Variants in NAV1 observed in about 807,000 individuals in gnomAD.
NAV1 encodes neuron navigator 1, also known as pore membrane and/or filament interacting like protein 3.
In NAV1, 18 loss-of-function variants were observed where a neutral mutation model predicts 175.2. The observed-to-expected ratio is 0.10, with a 90% CI of 0.07 to 0.15. The LOEUF (loss-of-function observed/expected upper bound fraction) is 0.15. Among genes scored for constraint, NAV1 ranks in the 10% least tolerant of loss-of-function variants. The pLI, the probability that NAV1 is intolerant of heterozygous loss-of-function variation, is 1.00. For synonymous variants in NAV1, 897 were observed against 978.7 expected (o/e 0.92, Z 1.56); for missense variants, 1,731 against 2,436.6 (o/e 0.71, Z 6.10).
intron 2 of NAV1, among the ~76,000 whole-genome samples, chr1:201,603,687 G>A (rs1251890717): frequency 6.6e-6 from 1 of 152,158 alleles, no homozygotes; most frequent in Non-Finnish European, 1.5e-5. Context: ...AGGGAGTTGG[G>A]ATGGGAGTAT....
chr1:201,757,881 T>G (rs1194849721), intron 3 of NAV1, among the ~76,000 whole-genome samples: 1 of 152,218 alleles, frequency 6.6e-6, no homozygotes, highest in Non-Finnish European at 1.5e-5. Context: ...TGAGACATCA[T>G]GAGGATGATG....
rs868730691 is a variant in NAV1 at position 201,549,880 on chromosome 1, G to A, written c.-144+10538G>A. Among the ~76,000 whole-genome samples, 28 of 151,102 alleles carry A rather than the reference G, an allele frequency of 1.9e-4. No homozygotes were observed. In the East Asian group the frequency reaches 5.0e-3, roughly 27 times the overall value. ...AAAAAAATTAGCCGGGTGTGGTGGT[G>A]GGCACCTGTGGTCCCAGCTACTTGG... is the stretch of plus-strand genomic sequence containing the variant. On this transcript the variant is annotated intron_variant, in intron 1 of 33. Transcript: ENST00000685211.
intron 15 of NAV1, among the ~76,000 whole-genome samples, chr1:201,800,610 GAT>G (rs1677792908): frequency 6.6e-6 from 1 of 152,030 alleles, no homozygotes; most frequent in Non-Finnish European, 1.5e-5. Flanking sequence ...CTACCACTGA[GAT>G]AAACTATATA....
chr1:201,789,803 TA>T lies in NAV1; in HGVS notation c.3219+13del. 6.2e-7 allele frequency: 1 copy of T among 1,612,748 alleles called. No homozygotes were observed. The highest frequency in any genetic ancestry group is 8.5e-7 in the Non-Finnish European group (1 of 1,178,754). On this transcript the variant is annotated intron_variant, in intron 11 of 29. Coordinates refer to ENST00000367296, the Ensembl canonical transcript of NAV1. The stretch of plus-strand genomic sequence containing the variant: ...TCCACCTACTCCTCAGTAAGAGCAT[TA>T]ACTTCTCTTCCCCTCTCATCCCCTC...
intron 1 of NAV1, among the ~76,000 whole-genome samples, chr1:201,672,357 T>TA (rs1440691880): frequency 6.6e-6 from 1 of 152,240 alleles, no homozygotes; most frequent in Non-Finnish European, 1.5e-5. Context: ...ACAAATGAGT[T>TA]ACAGCCTGCA....
chr1:201,698,887 T>C (rs979075282), intron 1 of NAV1, among the ~76,000 whole-genome samples: 8 of 152,212 alleles, frequency 5.3e-5, no homozygotes, highest in Non-Finnish European at 1.2e-4. Flanking sequence ...CTCAAATATA[T>C]ATCATCTGGC....
intron 1 of NAV1, among the ~76,000 whole-genome samples, chr1:201,688,669 G>A (rs1390779094): frequency 1.3e-5 from 2 of 152,066 alleles, no homozygotes; most frequent in Non-Finnish European, 2.9e-5. Context: ...AATTATTCAG[G>A]GATTCTGAGA....
At chr1:201,800,817 C>CTTTTTTT (rs61404613) in intron 15 of NAV1, among the ~76,000 whole-genome samples, 13 of 90,788 alleles carry the variant, frequency 1.4e-4, no homozygotes, top group South Asian at 3.7e-4. Context: ...CTTGGTGTAT[C>CTTTTTTT]TTTTTTTTTT....
chr1:201,640,433 G>A (rs945430715), intron 2 of NAV1, among the ~76,000 whole-genome samples: 3 of 152,208 alleles, frequency 2.0e-5, no homozygotes, highest in African/African-American at 7.2e-5. Context: ...GCAAGTGGGA[G>A]TGGGGGATGG....
At chr1:201,715,360 A>C (rs1034099496) in intron 2 of NAV1, among the ~76,000 whole-genome samples, 8 of 152,042 alleles carry the variant, frequency 5.3e-5, no homozygotes, top group South Asian at 4.2e-4. Flanking sequence ...GGGTTTCACC[A>C]TGTTGGCCAG....
At chr1:201,645,761 T>C (rs1383684745), upstream of NAV1, among the ~76,000 whole-genome samples, 2 of 152,134 alleles carry the variant, frequency 1.3e-5, no homozygotes, top group Admixed American at 6.5e-5. Flanking sequence ...AAGGAGAAGA[T>C]GAATTTACAT....
chr1:201,674,895 C>G (rs1355650135), intron 1 of NAV1, among the ~76,000 whole-genome samples: 1 of 152,010 alleles, frequency 6.6e-6, no homozygotes, highest in Non-Finnish European at 1.5e-5. Flanking sequence ...ACACACATAG[C>G]TGGGTGTGGT....
rs561816613 is a variant in NAV1, at chr1:201,736,702, G to A, written c.1226+17947G>A. ...TGCCTCAGTTTCCCCCTTGTAAAGA[G>A]CTGCTGTGAGAGTGCTGGCACGGGA... is the stretch of plus-strand genomic sequence containing the variant. On this transcript the variant is annotated intron_variant, in intron 3 of 29. Transcript: ENST00000367296. Among the ~76,000 whole-genome samples the A allele has an allele frequency of 8.5e-5, 13 of 152,288 alleles. No homozygotes were observed. In the East Asian group the frequency reaches 1.9e-3, roughly 23 times the overall value.
At chr1:201,544,167 AG>A (rs1164891297) in intron 1 of NAV1, among the ~76,000 whole-genome samples, 2 of 152,190 alleles carry the variant, frequency 1.3e-5, no homozygotes, top group Non-Finnish European at 2.9e-5. Context: ...GCCCATCCCC[AG>A]AGATTCAGCT....
intron 3 of NAV1, among the ~76,000 whole-genome samples, chr1:201,769,747 TATAAG>T (rs2102666312): frequency 6.6e-6 from 1 of 151,844 alleles, no homozygotes; most frequent in African/African-American, 2.4e-5. Context: ...TAAAAATAAT[TATAAG>T]AGAAGAAAAA....
chr1:201,744,071 A>C (rs2102567959), intron 3 of NAV1, among the ~76,000 whole-genome samples: 1 of 152,184 alleles, frequency 6.6e-6, no homozygotes, highest in Non-Finnish European at 1.5e-5. Flanking sequence ...TTTAGTAGAG[A>C]TGGGGTATCT....
At chr1:201,736,793 C>T (rs1673130410) in intron 3 of NAV1, among the ~76,000 whole-genome samples, 1 of 152,120 alleles carries the variant, frequency 6.6e-6, no homozygotes, top group Non-Finnish European at 1.5e-5. Flanking sequence ...CAGAGGAAGC[C>T]TATGTGAGAT....
At chr1:201,699,205 C>G (rs371957895) in intron 1 of NAV1, among the ~76,000 whole-genome samples, 1 of 152,212 alleles carries the variant, frequency 6.6e-6, no homozygotes, top group South Asian at 2.1e-4. Context: ...CATCTCAGCC[C>G]AAAATCTCCT....
Position 201,694,602 on chromosome 1 carries a change from C to T in NAV1, c.758-18215C>T, listed in dbSNP as rs1309981727. On this transcript the variant is annotated intron_variant, in intron 1 of 29. Transcript: ENST00000367296. The surrounding 1 kb of genome is among the most constrained non-coding windows in gnomAD (Gnocchi z 4.2). Reference sequence around the variant, plus strand: ...GCTGGCCCCAGTGGGTGATCAGCAACATGTCCCTAAGAATAGGTACATGCT... The same window carrying T: ...GCTGGCCCCAGTGGGTGATCAGCAATATGTCCCTAAGAATAGGTACATGCT... Among the ~76,000 whole-genome samples the T allele has an allele frequency of 6.6e-6, 1 of 152,124 alleles. No individual in the cohort carries two copies. Among genetic ancestry groups the T allele is most frequent in the Non-Finnish European group, 1.5e-5 (1 of 68,028 alleles).
Sources: allele counts gnomAD v4.1 joint callset (sites outside exome capture counted in the v4.1 genomes callset), GRCh38; gene constraint gnomAD v4.1.1; non-coding constraint Gnocchi (gnomAD v3.1); transcripts MANE v1.5; gene names NCBI Gene and HGNC (gene_info 2026-07-23, HGNC 2026-07-21).